Variants in RNASEH2B observed in about 807,000 individuals in gnomAD.
The protein encoded by RNASEH2B is ribonuclease H2 subunit B, also known as Aicardi-Goutieres syndrome 2 protein.
A neutral mutation model predicts 45.0 loss-of-function variants in RNASEH2B; 36 were observed. The observed-to-expected ratio is 0.80, with a 90% confidence interval of 0.61 to 1.06. The LOEUF (loss-of-function observed/expected upper bound fraction) is 1.06, where lower values mean the gene tolerates loss of function less well. Ranked by LOEUF, RNASEH2B falls within the 50% of genes least tolerant of loss-of-function variation. The pLI is 0.00. For synonymous variants in RNASEH2B, 119 were observed against 125.7 expected (o/e 0.95, Z 0.35); for missense variants, 361 against 360.3 (o/e 1.00, Z -0.02).
chr13:50,957,030 C>T (rs563257900), downstream of RNASEH2B, among the ~76,000 whole-genome samples: 1 of 151,444 alleles, frequency 6.6e-6, no homozygotes, highest in Non-Finnish European at 1.5e-5. Context: ...CTTCATTACC[C>T]AGAGATAATG....
At position 50,945,422 on chromosome 13, in the gene RNASEH2B, C is replaced by A. The variant is rs2137990410; in HGVS notation, c.511-5C>A. The stretch of plus-strand genomic sequence containing the variant: ...CCTGCCTTTCCCCTCTTGGTTGCTT[C>A]ATAGGTTAATCAAACTGTGGCAGCA... On this transcript the variant is annotated splice_polypyrimidine_tract_variant and splice_region_variant and intron_variant, in intron 6 of 10. Transcript: ENST00000336617. 1.9e-6 allele frequency: 3 copies of A among 1,603,982 alleles called. No homozygotes were observed. Among genetic ancestry groups the A allele is most frequent in the Non-Finnish European group, 2.6e-6 (3 of 1,170,878 alleles).
intron 1 of RNASEH2B, among the ~76,000 whole-genome samples, chr13:50,919,028 T>C (rs1408224565): frequency 2.0e-5 from 3 of 152,234 alleles, no homozygotes. Context: ...GGTGTATGTT[T>C]CTCAGAGTTT....
chr13:50,944,380 C>G (rs967313652), intron 6 of RNASEH2B, among the ~76,000 whole-genome samples: 4 of 151,990 alleles, frequency 2.6e-5, no homozygotes, highest in African/African-American at 9.7e-5. Flanking sequence ...CATGTTCTCT[C>G]TCATAAGTGG....
chr13:50,934,930 C>T lies in RNASEH2B; in HGVS notation c.367C>T (p.Pro123Ser), dbSNP rs1951727233. 6.2e-7 allele frequency: 1 copy of T among 1,613,892 alleles called. No individual in the cohort carries two copies. The highest frequency in any genetic ancestry group is 8.5e-7 in the Non-Finnish European group (1 of 1,179,938). ...TCAAGTTGTGGTGGATAACGTGTTT[C>T]CAAATTGCATCTTGTTGCTGAAACT... ...LDQVVVDNVF[P>S]NCILLLKLPG... Residue 123 changes from proline to serine, a missense_variant, in exon 5 of 11, where the codon CCA becomes TCA. Pro to Ser is a moderately conservative substitution (Grantham distance 74). Transcript: ENST00000336617.
At chr13:50,936,896 T>C (rs1951759291) in intron 5 of RNASEH2B, 1 of 152,242 alleles carries the variant, frequency 6.6e-6, no homozygotes, top group Non-Finnish European at 1.5e-5. Context: ...TGCATCATTA[T>C]CTGAACTTGT....
intron 1 of RNASEH2B, among the ~76,000 whole-genome samples, chr13:50,918,366 T>A (rs2137895453): frequency 6.6e-6 from 1 of 152,314 alleles, no homozygotes; most frequent in East Asian, 1.9e-4. Flanking sequence ...CTCGATCTCC[T>A]GACGTCGTGA....
intron 7 of RNASEH2B, among the ~76,000 whole-genome samples, chr13:50,946,637 A>G (rs999679590): frequency 6.6e-6 from 1 of 152,170 alleles, no homozygotes; most frequent in Non-Finnish European, 1.5e-5. Context: ...GAGGTTATTT[A>G]GACAGATCAT....
intron 3 of RNASEH2B, 149 bp from the exon 4 acceptor site, chr13:50,930,534 A>G (rs938894258): frequency 2.7e-5 from 19 of 702,314 alleles, no homozygotes; most frequent in Admixed American, 1.4e-4. Flanking sequence ...AGAGAATCAC[A>G]TAGACTCTGA....
chr13:50,945,579 G>A, intron 7 of RNASEH2B, 47 bp downstream of exon 7: 1 of 1,283,014 alleles, frequency 7.8e-7, no homozygotes, highest in Non-Finnish European at 1.1e-6. Context: ...GGAGTAAGTT[G>A]CTTATGTGTA....
chr13:50,944,187 A>AT (rs1226113008), intron 6 of RNASEH2B, among the ~76,000 whole-genome samples: 1 of 152,056 alleles, frequency 6.6e-6, no homozygotes, highest in Non-Finnish European at 1.5e-5. Flanking sequence ...ATGGGTTGTG[A>AT]TAAAAAAAAA....
Position 50,933,731 on chromosome 13 carries a change from A to G in RNASEH2B, c.322-1154A>G, listed in dbSNP as rs138002157. 6.2e-4 allele frequency among the ~76,000 whole-genome samples: 94 copies of G among 152,326 alleles called. 1 individual carries two copies. Among genetic ancestry groups the G allele is most frequent in the African/African-American group, 2.1e-3 (86 of 41,580 alleles). On this transcript the variant is annotated intron_variant, in intron 4 of 10. Transcript: ENST00000336617. ...CAAAATTATTTTATATCATGATTGT[A>G]TGGTAGTCCATTACATATAAATATT...
intron 7 of RNASEH2B, among the ~76,000 whole-genome samples, chr13:50,946,187 C>T (rs1951898998): frequency 6.6e-6 from 1 of 152,034 alleles, no homozygotes; most frequent in African/African-American, 2.4e-5. Context: ...CAAGTAGAGT[C>T]CTCTTATTTT....
At chr13:50,937,972 A>T (rs768729710) in intron 5 of RNASEH2B, 8 of 152,252 alleles carry the variant, frequency 5.3e-5, no homozygotes, top group Non-Finnish European at 8.8e-5. Flanking sequence ...AGACATACAG[A>T]TTGGAAAGTC....
intron 9 of RNASEH2B, among the ~76,000 whole-genome samples, chr13:50,964,061 T>C (rs1396616748): frequency 6.6e-6 from 1 of 152,102 alleles, no homozygotes; most frequent in African/African-American, 2.4e-5. Flanking sequence ...TAGCCAGACA[T>C]GGTGGCACAT....
chr13:50,918,200 C>G (rs549080554), intron 1 of RNASEH2B, among the ~76,000 whole-genome samples: 1 of 152,078 alleles, frequency 6.6e-6, no homozygotes, highest in East Asian at 1.9e-4. Context: ...TGCAGTGGCA[C>G]GATCTCGGCT....
chr13:50,917,615 A>G (rs1056365755), intron 1 of RNASEH2B, among the ~76,000 whole-genome samples: 2 of 152,208 alleles, frequency 1.3e-5, no homozygotes, highest in African/African-American at 4.8e-5. Context: ...CATTTTGCAT[A>G]TCAGGAAACC....
At chr13:50,963,968 C>T (rs1249480756) in intron 9 of RNASEH2B, among the ~76,000 whole-genome samples, 1 of 152,126 alleles carries the variant, frequency 6.6e-6, no homozygotes, top group African/African-American at 2.4e-5. Context: ...GAGGCCAGGG[C>T]GGGCAGATCA....
intron 2 of RNASEH2B, among the ~76,000 whole-genome samples, chr13:50,927,894 AC>A (rs1951621151): frequency 1.3e-5 from 2 of 152,152 alleles, no homozygotes; most frequent in South Asian, 4.1e-4. Flanking sequence ...GAAGGCTTTT[AC>A]TTGACATGCC....
rs935633893 is a variant in RNASEH2B, at chr13:50,914,299, T to C, written c.64+4159T>C. ...TTGTTCTTTGTCAAAACGGTATGTA[T>C]GTATATGTTTGTGTTTAGAAATATA... On this transcript the variant is annotated intron_variant, in intron 1 of 10. Transcript: ENST00000336617. Among the ~76,000 whole-genome samples the C allele has an allele frequency of 1.2e-4, 18 of 152,358 alleles. No individual in the cohort carries two copies. In the East Asian group the frequency reaches 2.3e-3, roughly 20 times the overall value.
Sources: allele counts gnomAD v4.1 joint callset (sites outside exome capture counted in the v4.1 genomes callset), GRCh38; gene constraint gnomAD v4.1.1; transcripts MANE v1.5; gene names NCBI Gene and HGNC (gene_info 2026-07-23, HGNC 2026-07-21).